The following ROCK2 variants were observed in gnomAD, a reference collection of about 807,000 sequenced individuals.
ROCK2 encodes the protein Rho associated coiled-coil containing protein kinase 2.
A neutral mutation model predicts 195.1 loss-of-function variants in ROCK2; 61 were observed. That is an observed-to-expected ratio of 0.31 (90% CI 0.25 to 0.39). The LOEUF is 0.39. Among genes scored for constraint, ROCK2 ranks in the 10% least tolerant of loss-of-function variants. ROCK2 has a pLI of 1.00. For missense variants in ROCK2, 1,109 were observed against 1,637.4 expected (o/e 0.68, Z 5.57); for synonymous variants, 504 against 545.5 (o/e 0.92, Z 1.06).
chr2:11,341,817 G>A lies in ROCK2; in HGVS notation c.141+2179C>T, dbSNP rs182860874. ...TTAAAGTGATACCAGCCATTATTTC[G>A]TCAGTATTTCAGGAAATATAATTTT... is the stretch of plus-strand genomic sequence containing the variant. On this transcript the variant is annotated intron_variant, in intron 1 of 32. Coordinates refer to ENST00000315872, the MANE Select transcript of ROCK2 (RefSeq NM_004850.5). 3.9e-5 allele frequency among the ~76,000 whole-genome samples: 6 copies of A among 152,074 alleles called. No individual in the cohort carries two copies. In the East Asian group the frequency reaches 5.8e-4, roughly 15 times the overall value.
In ROCK2 at chr2:11,344,511, C is replaced by T; in HGVS notation, c.-375G>A. ...CGGACCGCCCCGCCCTCTGGGGCCC[C>T]GGGAGGCTGAAGCCCAGGCCTGGGC... On this transcript the variant is annotated 5_prime_UTR_variant, in exon 1 of 33. Coordinates refer to ENST00000315872, the MANE Select transcript of ROCK2 (RefSeq NM_004850.5). This position sits in a 1 kb window ranked among gnomAD's most constrained non-coding sequence, Gnocchi z 5.4. The T allele has an allele frequency of 1.0e-5, 10 of 987,470 alleles. No homozygotes were observed. The South Asian group carries it at 3.8e-4, about 37-fold the overall frequency. The allele number at this position is 987,470 out of a possible 1,614,324, so 61.2% of individuals were successfully genotyped here. A position where few individuals can be genotyped will look rare whatever the true frequency, so the allele number is the denominator to read the frequency against.
At chr2:11,298,409 G>T (rs1449713064) in intron 1 of ROCK2, among the ~76,000 whole-genome samples, 1 of 146,566 alleles carries the variant, frequency 6.8e-6, no homozygotes. Flanking sequence ...GGCAGAGGCT[G>T]CAGTGAGCCA....
intron 4 of ROCK2, 51 bp downstream of exon 4, chr2:11,249,610 T>A: frequency 7.4e-7 from 1 of 1,359,678 alleles, no homozygotes; most frequent in Non-Finnish European, 9.6e-7. Context: ...TCATGAATAA[T>A]AAAGCACTCA....
Position 11,180,992 on chromosome 2 carries a change from C to G in ROCK2, c.*2445G>C, listed in dbSNP as rs1662962842. 1 of 151,128 alleles carries G rather than the reference C, an allele frequency of 6.6e-6. No homozygotes were observed. Among genetic ancestry groups the G allele is most frequent in the South Asian group, 2.1e-4 (1 of 4,794 alleles). 9.4% of individuals were successfully genotyped at this position (151,128 alleles called of 1,614,324 possible). A position where few individuals can be genotyped will look rare whatever the true frequency, so the allele number is the denominator to read the frequency against. On this transcript the variant is annotated 3_prime_UTR_variant, in exon 33 of 33. Transcript: ENST00000315872. ...TCCATGGGAGAGATTTTTTTTTCAC[C>G]CTTCAGAATTATCTTTTTCCCCTAA...
intron 1 of ROCK2, among the ~76,000 whole-genome samples, chr2:11,301,467 CATCTTCTCATTCAA>C (rs1474625223): frequency 2.0e-5 from 3 of 151,994 alleles, no homozygotes; most frequent in African/African-American, 7.2e-5. Context: ...TTAAATTAGG[CATCTTCTCATTCAA>C]ATCTTACCTA....
chr2:11,298,753 C>T (rs1035262293), intron 1 of ROCK2, among the ~76,000 whole-genome samples: 4 of 152,072 alleles, frequency 2.6e-5, no homozygotes, highest in Non-Finnish European at 5.9e-5. Context: ...ACTTTGGATC[C>T]CATCTTCCAA....
chr2:11,186,583 T>C (rs537409844), intron 32 of ROCK2, among the ~76,000 whole-genome samples: 1 of 152,310 alleles, frequency 6.6e-6, no homozygotes, highest in Admixed American at 6.5e-5. Context: ...TAAGCCTGAA[T>C]ACCAATCCCT....
Position 11,181,634 on chromosome 2 carries a change from T to C in ROCK2, c.*1803A>G, listed in dbSNP as rs1194389867. Reference sequence around the variant, plus strand: ...CCTTCATCGAAATATTAGATGACTTTTTTTTTTTTTTTTTTTTGAGACGGA... The same window carrying C: ...CCTTCATCGAAATATTAGATGACTTCTTTTTTTTTTTTTTTTTGAGACGGA... On this transcript the variant is annotated 3_prime_UTR_variant, in exon 33 of 33. Coordinates refer to ENST00000315872, the MANE Select transcript of ROCK2 (RefSeq NM_004850.5). 6.8e-6 allele frequency: 1 copy of C among 148,082 alleles called. No individual in the cohort carries two copies. Among genetic ancestry groups the C allele is most frequent in the Non-Finnish European group, 1.5e-5 (1 of 66,876 alleles). 9.2% of individuals were successfully genotyped at this position (148,082 alleles called of 1,614,324 possible).
intron 1 of ROCK2, among the ~76,000 whole-genome samples, chr2:11,321,668 A>G (rs572207366): frequency 5.9e-5 from 9 of 152,238 alleles, no homozygotes; most frequent in African/African-American, 1.9e-4. Flanking sequence ...TGAAAGCTGT[A>G]TTACAGACAG....
Position 11,214,966 on chromosome 2 carries a change from C to T in ROCK2, c.1810G>A (p.Asp604Asn), listed in dbSNP as rs768721907. 5.0e-6 allele frequency: 8 copies of T among 1,614,024 alleles called. No homozygotes were observed. Among genetic ancestry groups the T allele is most frequent in the African/African-American group, 1.3e-5 (1 of 75,030 alleles). Residue 604 changes from aspartate (D) to asparagine (N), a missense_variant, in exon 16 of 33, where the codon GAT becomes AAT. Transcript: ENST00000315872. Reference sequence around the variant, plus strand: ...GCAGTCTCCAGCAGGCAGTTTTTATCTTGTAGATCTCTATTGTTAGATTCC... The same window carrying T: ...GCAGTCTCCAGCAGGCAGTTTTTATTTTGTAGATCTCTATTGTTAGATTCC... Reference protein sequence around the residue: ...QLESNNRDLQDKNCLLETAKL... With the variant: ...QLESNNRDLQNKNCLLETAKL...
intron 3 of ROCK2, among the ~76,000 whole-genome samples, chr2:11,265,327 C>T (rs145776901): frequency 6.6e-6 from 1 of 152,174 alleles, no homozygotes; most frequent in Non-Finnish European, 1.5e-5. Context: ...AGTTCTCTCT[C>T]AATTCTAACA....
intron 30 of ROCK2, among the ~76,000 whole-genome samples, chr2:11,193,503 C>T (rs976732126): frequency 6.6e-6 from 1 of 151,900 alleles, no homozygotes; most frequent in African/African-American, 2.4e-5. Flanking sequence ...CATAACCAAC[C>T]TTAAACAAAA....
chr2:11,198,617 G>A (rs201202241), intron 24 of ROCK2, 32 bp from the exon 25 acceptor site: 2 of 1,580,312 alleles, frequency 1.3e-6, no homozygotes, highest in Non-Finnish European at 1.7e-6. Context: ...AAATTACATT[G>A]GTAATTACAG....
chr2:11,249,044 T>G (rs1665733980), intron 4 of ROCK2, among the ~76,000 whole-genome samples: 1 of 151,944 alleles, frequency 6.6e-6, no homozygotes, highest in South Asian at 2.1e-4. Context: ...TACAGGTGTG[T>G]GCCACTATGC....
intron 32 of ROCK2, among the ~76,000 whole-genome samples, chr2:11,187,400 CTTCA>C (rs1283754463): frequency 6.6e-6 from 1 of 152,180 alleles, no homozygotes; most frequent in Non-Finnish European, 1.5e-5. Context: ...TACTAATGGT[CTTCA>C]TTATCAGATT....
chr2:11,329,235 A>T (rs1047517319), intron 1 of ROCK2, among the ~76,000 whole-genome samples: 9 of 152,064 alleles, frequency 5.9e-5, no homozygotes, highest in Admixed American at 5.9e-4. Flanking sequence ...TCAAACAGGG[A>T]TCCTCTTTAT....
intron 1 of ROCK2, among the ~76,000 whole-genome samples, chr2:11,332,134 C>T (rs903736411): frequency 6.6e-6 from 1 of 151,406 alleles, no homozygotes; most frequent in Non-Finnish European, 1.5e-5. Flanking sequence ...AGTGAGACCC[C>T]ATCTCTTAAA....
intron 5 of ROCK2, among the ~76,000 whole-genome samples, chr2:11,232,563 A>G: frequency 6.6e-6 from 1 of 152,376 alleles, no homozygotes; most frequent in Non-Finnish European, 1.5e-5. Context: ...CCAATGTACT[A>G]TAGTTTTTAA....
intron 3 of ROCK2, among the ~76,000 whole-genome samples, chr2:11,270,608 A>G (rs1666593079): frequency 6.6e-6 from 1 of 152,122 alleles, no homozygotes. Context: ...ACTTAGAGAT[A>G]TTTTATCAAC....
Sources: allele counts gnomAD v4.1 joint callset (sites outside exome capture counted in the v4.1 genomes callset), GRCh38; gene constraint gnomAD v4.1.1; non-coding constraint Gnocchi (gnomAD v3.1); transcripts MANE v1.5; gene names NCBI Gene and HGNC (gene_info 2026-07-23, HGNC 2026-07-21).